Variants in UVRAG observed in about 807,000 individuals in gnomAD.
UVRAG encodes UV radiation resistance-associated gene protein.
In UVRAG, 19 loss-of-function variants were observed where a neutral mutation model predicts 78.0. The ratio of observed to expected loss-of-function variants is 0.24; its 90% CI spans 0.17 to 0.36. The LOEUF (loss-of-function observed/expected upper bound fraction) is 0.36. UVRAG is among the 10% of genes least tolerant of loss of function. The pLI, the probability that UVRAG is intolerant of heterozygous loss-of-function variation, is 1.00. For missense variants in UVRAG, 740 were observed against 853.8 expected (o/e 0.87, Z 1.66); for synonymous variants, 323 against 324.6 (o/e 1.00, Z 0.05).
At chr11:75,948,529 G>C (rs569836768) in intron 6 of UVRAG, among the ~76,000 whole-genome samples, 4 of 152,292 alleles carry the variant, frequency 2.6e-5, no homozygotes, top group South Asian at 4.1e-4. Flanking sequence ...AGTGATTCAT[G>C]ACTATCATGG....
intron 13 of UVRAG, among the ~76,000 whole-genome samples, chr11:76,112,623 T>C (rs1315338471): frequency 6.6e-6 from 1 of 152,174 alleles, no homozygotes; most frequent in Non-Finnish European, 1.5e-5. Context: ...AGAGGAGGCT[T>C]CAGGAAATAT....
At chr11:75,820,359 T>TC (rs1447450315) in intron 1 of UVRAG, among the ~76,000 whole-genome samples, 1 of 99,662 alleles carries the variant, frequency 1.0e-5, no homozygotes, top group Non-Finnish European at 1.8e-5. Flanking sequence ...CACTTATTCT[T>TC]TTTTTTTTTT....
intron 6 of UVRAG, among the ~76,000 whole-genome samples, chr11:75,935,959 G>A (rs1486719153): frequency 6.6e-6 from 1 of 152,144 alleles, no homozygotes; most frequent in African/African-American, 2.4e-5. Flanking sequence ...TACTTGTCAT[G>A]TATCTTTACT....
chr11:75,871,202 T>A (rs1245544880), intron 3 of UVRAG, among the ~76,000 whole-genome samples: 1 of 151,802 alleles, frequency 6.6e-6, no homozygotes, highest in East Asian at 1.9e-4. Flanking sequence ...CACTACCTTT[T>A]CCCAGAGAGA....
chr11:76,116,664 A>G (rs1952186712), intron 14 of UVRAG, among the ~76,000 whole-genome samples: 1 of 152,256 alleles, frequency 6.6e-6, no homozygotes, highest in Admixed American at 6.5e-5. Context: ...GTATCCATTT[A>G]GTAATTCTTG....
chr11:76,139,047 C>G (rs1482180364), intron 14 of UVRAG, among the ~76,000 whole-genome samples: 2 of 152,210 alleles, frequency 1.3e-5, no homozygotes, highest in African/African-American at 4.8e-5. Flanking sequence ...CTGTAATTTA[C>G]TAGTCTACTT....
At chr11:75,921,878 T>C (rs1350508439) in intron 6 of UVRAG, among the ~76,000 whole-genome samples, 2 of 152,146 alleles carry the variant, frequency 1.3e-5, no homozygotes. Flanking sequence ...TATTTCTGGA[T>C]TCGCTCTTTT....
chr11:75,868,956 G>A (rs1400137693), intron 3 of UVRAG, among the ~76,000 whole-genome samples: 2 of 152,144 alleles, frequency 1.3e-5, no homozygotes, highest in Non-Finnish European at 1.5e-5. Context: ...ATGAAGAAGA[G>A]GTATCAATTA....
chr11:75,926,033 G>T (rs1005618405), intron 6 of UVRAG, among the ~76,000 whole-genome samples: 12 of 151,722 alleles, frequency 7.9e-5, no homozygotes, highest in African/African-American at 2.7e-4. Flanking sequence ...AGTCTTCCCA[G>T]TAAAAGTTTT....
chr11:76,020,246 A>G (rs576700606), intron 12 of UVRAG, among the ~76,000 whole-genome samples: 1 of 152,160 alleles, frequency 6.6e-6, no homozygotes, highest in East Asian at 1.9e-4. Flanking sequence ...TCCCCTCTGG[A>G]CCAGGACACG....
chr11:76,031,819 C>T (rs1208646729), intron 12 of UVRAG, among the ~76,000 whole-genome samples: 3 of 152,204 alleles, frequency 2.0e-5, no homozygotes, highest in African/African-American at 4.8e-5. Context: ...ATCAGTGTTT[C>T]TCAACAGGAC....
At chr11:76,039,335 G>T (rs1950597518) in intron 12 of UVRAG, among the ~76,000 whole-genome samples, 1 of 152,132 alleles carries the variant, frequency 6.6e-6, no homozygotes, top group African/African-American at 2.4e-5. Context: ...TCCTTAAAAT[G>T]CCAAAAGATG....
intron 1 of UVRAG, among the ~76,000 whole-genome samples, chr11:75,818,187 G>A (rs1284946400): frequency 2.0e-5 from 3 of 152,010 alleles, no homozygotes; most frequent in Admixed American, 2.0e-4. Context: ...CCACTTTTCT[G>A]ATTTCTAATG....
intron 4 of UVRAG, among the ~76,000 whole-genome samples, chr11:75,882,797 A>AT (rs929691693): frequency 1.4e-4 from 21 of 151,982 alleles, no homozygotes; most frequent in Admixed American, 9.8e-4. Flanking sequence ...CTTTTAACAT[A>AT]TTTTTTTTAT....
intron 13 of UVRAG, among the ~76,000 whole-genome samples, chr11:76,091,500 G>A (rs767816034): frequency 9.9e-5 from 15 of 151,832 alleles, no homozygotes; most frequent in South Asian, 2.1e-4. Flanking sequence ...GACTACTATC[G>A]TTTAGATATT....
chr11:75,846,254 C>T (rs929582907), intron 1 of UVRAG, among the ~76,000 whole-genome samples: 4 of 152,252 alleles, frequency 2.6e-5, no homozygotes, highest in South Asian at 4.1e-4. Flanking sequence ...TAAGACTTAC[C>T]GCGTTTCAGT....
intron 13 of UVRAG, among the ~76,000 whole-genome samples, chr11:76,103,459 T>A (rs181593929): frequency 6.6e-6 from 1 of 152,216 alleles, no homozygotes; most frequent in East Asian, 1.9e-4. Flanking sequence ...GTTAAATGAA[T>A]TGTGAGACAA....
chr11:75,846,652 C>A (rs1337484045), intron 1 of UVRAG, among the ~76,000 whole-genome samples: 1 of 151,152 alleles, frequency 6.6e-6, no homozygotes, highest in African/African-American at 2.4e-5. Context: ...AAAGACTTGG[C>A]TGTTGTCTTT....
chr11:75,970,507 C>T (rs573638114), intron 7 of UVRAG, among the ~76,000 whole-genome samples: 18 of 152,064 alleles, frequency 1.2e-4, no homozygotes, highest in East Asian at 5.8e-4. Flanking sequence ...CCGAGGCAGG[C>T]GGATCATGAG....
Sources: allele counts gnomAD v4.1 joint callset (sites outside exome capture counted in the v4.1 genomes callset), GRCh38; gene constraint gnomAD v4.1.1; transcripts MANE v1.5; gene names NCBI Gene and HGNC (gene_info 2026-07-23, HGNC 2026-07-21).